Variants in MTBP observed in about 807,000 individuals in gnomAD.
MTBP encodes the protein mdm2-binding protein.
In MTBP, 101 loss-of-function variants were observed where a neutral mutation model predicts 117.0. The observed-to-expected ratio is 0.86, with a 90% CI of 0.73 to 1.02. The LOEUF (loss-of-function observed/expected upper bound fraction) is 1.02. MTBP is among the 50% of genes least tolerant of loss of function. The pLI is 0.00. For synonymous variants in MTBP, 350 were observed against 351.5 expected, an observed-to-expected ratio of 1.00 and a Z score of 0.05; for missense variants, 970 against 1,030.9, an observed-to-expected ratio of 0.94 and a Z score of 0.81.
intron 9 of MTBP, among the ~76,000 whole-genome samples, chr8:120,461,825 T>G (rs1813587812): frequency 6.6e-6 from 1 of 152,186 alleles, no homozygotes; most frequent in African/African-American, 2.4e-5. Flanking sequence ...CTCAATATGT[T>G]TCTGCTGAAG....
intron 19 of MTBP, 120 bp downstream of exon 19, chr8:120,518,220 TG>T: frequency 8.9e-7 from 1 of 1,126,206 alleles, no homozygotes; most frequent in Non-Finnish European, 1.2e-6. Context: ...TAGAATTTAC[TG>T]GTGTAAGAAG....
chr8:120,493,060 G>A (rs147093120), intron 13 of MTBP, among the ~76,000 whole-genome samples: 107 of 152,260 alleles, frequency 7.0e-4, no homozygotes, highest in African/African-American at 2.3e-3. Context: ...TCTACTCTGA[G>A]CTCCCTACAT....
At position 120,445,524 on chromosome 8, in the gene MTBP, G is replaced by A. The variant is rs1372779950; in HGVS notation, c.54G>A (p.Ala18=). 1.2e-6 allele frequency: 2 copies of A among 1,613,502 alleles called. No individual in the cohort carries two copies. Among genetic ancestry groups the A allele is most frequent in the Admixed American group, 1.7e-5 (1 of 59,936 alleles). ...VIWGEGKFPS[A]ASREAEHGPE... is the part of the protein sequence containing the mutation. ...GGGGGGAAGGAAAATTCCCGTCGGC[G>A]GCCAGTAGGGAGGCAGAACATGGGC... is the stretch of plus-strand genomic sequence containing the variant. The change falls in exon 1 of 22, where the codon GCG becomes GCA. Residue 18 remains alanine, a synonymous_variant. Transcript: ENST00000305949.
chr8:120,470,251 G>T (rs1813790446), intron 10 of MTBP, among the ~76,000 whole-genome samples: 1 of 152,190 alleles, frequency 6.6e-6, no homozygotes, highest in African/African-American at 2.4e-5. Flanking sequence ...AGCAGAGTTT[G>T]CTCATAAATC....
intron 10 of MTBP, among the ~76,000 whole-genome samples, chr8:120,465,869 A>C (rs1044913837): frequency 3.3e-5 from 5 of 152,124 alleles, no homozygotes; most frequent in African/African-American, 1.2e-4. Flanking sequence ...CTGTACCTAT[A>C]GTTTAACACA....
At chr8:120,457,097 A>G (rs1019879310) in intron 7 of MTBP, among the ~76,000 whole-genome samples, 2 of 152,168 alleles carry the variant, frequency 1.3e-5, no homozygotes, top group Non-Finnish European at 2.9e-5. Flanking sequence ...TTCCCATAAT[A>G]CTACCTTAGG....
chr8:120,506,767 T>G lies in MTBP; in HGVS notation c.1789T>G (p.Ser597Ala). The G allele has an allele frequency of 1.2e-6, 2 of 1,613,550 alleles. No homozygotes were observed. The highest frequency in any genetic ancestry group is 2.2e-5 in the South Asian group (2 of 91,014). ...LLGHKEGPRD[S>A]ITLLDAKELL... ...GGGCCACAAAGAGGGTCCTCGGGAC[T>G]CAATCACATTGTTGGATGCTAAAGA... The change falls in exon 16 of 22, where the codon TCA (serine) becomes GCA (alanine). Residue 597 changes from serine to alanine, a missense_variant. Ser to Ala is a moderately conservative substitution (Grantham distance 99). Transcript: ENST00000305949.
At chr8:120,470,973 A>C (rs1389235901) in intron 11 of MTBP, 36 bp downstream of exon 11, 6 of 1,345,116 alleles carry the variant, frequency 4.5e-6, no homozygotes, top group Non-Finnish European at 5.3e-6. Flanking sequence ...TTAATGATGC[A>C]GCATAGTTAA....
intron 15 of MTBP, 83 bp downstream of exon 15, chr8:120,502,692 G>A (rs984346709): frequency 2.4e-6 from 2 of 819,630 alleles, no homozygotes; most frequent in African/African-American, 1.7e-5. Flanking sequence ...ATGTTTATGA[G>A]ATTTAAGCAG....
intron 17 of MTBP, 57 bp from the exon 18 acceptor site, chr8:120,515,868 G>C: frequency 1.4e-6 from 2 of 1,472,770 alleles, no homozygotes; most frequent in Middle Eastern, 1.8e-4. Context: ...CATTGAAAGG[G>C]GAAAGTCTGT....
Position 120,451,298 on chromosome 8 carries a change from G to A in MTBP, c.401G>A (p.Ser134Asn), listed in dbSNP as rs1380791075. The A allele has an allele frequency of 1.9e-6, 3 of 1,613,106 alleles. No individual in the cohort carries two copies. Among genetic ancestry groups the A allele is most frequent in the Admixed American group, 1.7e-5 (1 of 60,006 alleles). Reference sequence around the variant, plus strand: ...TGTTTTGAAGAAGAAGACAGTAATAGCAGGGAATCATTATCCTTGGCTGAG... The same window carrying A: ...TGTTTTGAAGAAGAAGACAGTAATAACAGGGAATCATTATCCTTGGCTGAG... ...VECFEEEDSN[S>N]RESLSLADLY... The change falls in exon 4 of 22, where the codon AGC (serine) becomes AAC (asparagine). Residue 134 changes from serine (S) to asparagine (N), a missense_variant. Transcript: ENST00000305949.
At chr8:120,504,726 C>T (rs1814657396) in intron 15 of MTBP, among the ~76,000 whole-genome samples, 1 of 151,506 alleles carries the variant, frequency 6.6e-6, no homozygotes, top group African/African-American at 2.4e-5. Context: ...TTTTCTTTCT[C>T]TCTGAAATAC....
Position 120,457,334 on chromosome 8 carries a change from A to T in MTBP, c.747+664A>T, listed in dbSNP as rs1813490583. Among the ~76,000 whole-genome samples the T allele has an allele frequency of 2.0e-5, 3 of 152,296 alleles. No homozygotes were observed. The South Asian group carries it at 6.2e-4, about 32-fold the overall frequency. On this transcript the variant is annotated intron_variant, in intron 7 of 21. Transcript: ENST00000305949. ...TTGAAATAAGTGTTCATAGTAATTTATGTATTTTTGTAGATAGGCAAAACT... is the reference window on the plus strand; with the variant it reads ...TTGAAATAAGTGTTCATAGTAATTTTTGTATTTTTGTAGATAGGCAAAACT...
chr8:120,464,851 G>A (rs1292810085), intron 10 of MTBP, among the ~76,000 whole-genome samples: 2 of 151,836 alleles, frequency 1.3e-5, no homozygotes, highest in African/African-American at 4.8e-5. Flanking sequence ...CTGTGTATGA[G>A]GTACTATACT....
chr8:120,456,973 T>A (rs1813482934), intron 7 of MTBP, among the ~76,000 whole-genome samples: 1 of 152,180 alleles, frequency 6.6e-6, no homozygotes, highest in South Asian at 2.1e-4. Flanking sequence ...GTTTCCAGAA[T>A]GTAATGTTCT....
Position 120,488,185 on chromosome 8 carries a change from T to C in MTBP, c.1192T>C (p.Cys398Arg). Residue 398 changes from cysteine to arginine, a missense_variant, in exon 12 of 22, where the codon TGT becomes CGT. By Grantham distance (180) the Cys-to-Arg change is radical. Transcript: ENST00000305949. ...TCCAGATGTTGAAGTGAAAGGAGAGTGTTCTAGCTATTATCTCTTGTTACA... is the reference window on the plus strand; with the variant it reads ...TCCAGATGTTGAAGTGAAAGGAGAGCGTTCTAGCTATTATCTCTTGTTACA... ...SVPDVEVKGE[C>R]SSYYLLLQGN... 1 of 1,582,582 alleles carries C rather than the reference T, an allele frequency of 6.3e-7. No individual in the cohort carries two copies. The highest frequency in any genetic ancestry group is 1.2e-5 in the South Asian group (1 of 83,756).
intron 11 of MTBP, among the ~76,000 whole-genome samples, chr8:120,476,358 C>T (rs1248775398): frequency 6.6e-6 from 1 of 152,002 alleles, no homozygotes; most frequent in Non-Finnish European, 1.5e-5. Context: ...GACAAAGATG[C>T]CGTCTCTCAC....
chr8:120,454,438 A>C (rs894048152), intron 5 of MTBP, among the ~76,000 whole-genome samples: 2 of 152,000 alleles, frequency 1.3e-5, no homozygotes, highest in Non-Finnish European at 2.9e-5. Flanking sequence ...TATTCCTAAA[A>C]CTGGTTTTTT....
chr8:120,516,226 CAGAA>C (rs1388882526), intron 18 of MTBP, 35 bp downstream of exon 18: 2 of 1,493,924 alleles, frequency 1.3e-6, no homozygotes, highest in East Asian at 4.6e-5. Context: ...AGTATATTGA[CAGAA>C]AGTATTTTAG....
Sources: gnomAD v4.1 joint callset for allele counts (sites outside exome capture counted in the v4.1 genomes callset) on GRCh38, gnomAD v4.1.1 for gene constraint, MANE v1.5 for transcripts, NCBI Gene and HGNC (gene_info 2026-07-23, HGNC 2026-07-21) for gene names.